Variants in TAF1A observed in about 807,000 individuals in gnomAD.
TAF1A encodes TATA-box binding protein associated factor, RNA polymerase I subunit A, also known as TATA box-binding protein-associated factor RNA polymerase I subunit A.
Under a neutral mutation model 61.6 loss-of-function variants are expected in TAF1A, and 42 were observed. The observed-to-expected ratio is 0.68, with a 90% CI of 0.53 to 0.88. The LOEUF is 0.88. Ranked by LOEUF, TAF1A falls within the 40% of genes least tolerant of loss-of-function variation. TAF1A has a pLI of 0.00. For synonymous variants in TAF1A, 179 were observed against 177.7 expected (o/e 1.01, Z -0.06); for missense variants, 424 against 518.7 (o/e 0.82, Z 1.77).
chr1:222,584,189 A>G lies in TAF1A; in HGVS notation c.230T>C (p.Met77Thr), dbSNP rs1478628559. The change falls in exon 3 of 11, where the codon ATG (methionine) becomes ACG (threonine). Residue 77 changes from methionine (M) to threonine (T), a missense_variant. Transcript: ENST00000352967. Reference sequence around the variant, plus strand: ...TTCCAAGGTCTGAAAATAACTGTACATGTATTCTGCAGCTTGCTGCCATTG... The same window carrying G: ...TTCCAAGGTCTGAAAATAACTGTACGTGTATTCTGCAGCTTGCTGCCATTG... ...KHQWQQAAEYMYSYFQTLEDS... is the reference protein window; with the variant it reads ...KHQWQQAAEYTYSYFQTLEDS... 1.9e-6 allele frequency: 3 copies of G among 1,613,278 alleles called. No individual in the cohort carries two copies. Among genetic ancestry groups the G allele is most frequent in the Non-Finnish European group, 2.5e-6 (3 of 1,179,854 alleles).
chr1:222,589,261 GC>G (rs1661154123), intron 1 of TAF1A, among the ~76,000 whole-genome samples: 1 of 152,060 alleles, frequency 6.6e-6, no homozygotes, highest in South Asian at 2.1e-4. Context: ...GAGTATTAGT[GC>G]CCCTGATACT....
At chr1:222,555,644 G>A (rs1448465482), downstream of TAF1A, among the ~76,000 whole-genome samples, 1 of 152,132 alleles carries the variant, frequency 6.6e-6, no homozygotes, top group Non-Finnish European at 1.5e-5. Flanking sequence ...GTCCAGCATG[G>A]TGATGACAGT....
chr1:222,561,384 G>A lies in TAF1A; in HGVS notation c.1220C>T (p.Ala407Val). Residue 407 changes from alanine (A) to valine (V), a missense_variant, in exon 10 of 11, where the codon GCT becomes GTT. Ala to Val is a moderately conservative substitution (Grantham distance 64). Transcript: ENST00000352967. ...TALACEKAFVAGLLLGKGCRY... is the reference protein window; with the variant it reads ...TALACEKAFVVGLLLGKGCRY... Reference sequence around the variant, plus strand: ...TGTACCTTTTCCTAACAGTAAACCAGCCACAAAAGCTTTCTCACAGGCCAA... The same window carrying A: ...TGTACCTTTTCCTAACAGTAAACCAACCACAAAAGCTTTCTCACAGGCCAA... 1.2e-6 allele frequency: 2 copies of A among 1,605,716 alleles called. No homozygotes were observed. The highest frequency in any genetic ancestry group is 2.2e-5 in the South Asian group (2 of 88,898).
chr1:222,572,598 G>A lies in TAF1A; in HGVS notation c.605-1933C>T, dbSNP rs538705069. Among the ~76,000 whole-genome samples, 170 of 152,268 alleles carry A rather than the reference G, an allele frequency of 1.1e-3. 1 individual carries two copies. The highest frequency in any genetic ancestry group is 3.8e-3 in the African/African-American group (159 of 41,538). The stretch of plus-strand genomic sequence containing the variant: ...GTTTCGAACTCCTGAGGGCTCATGC[G>A]ATCTACCTGTCTTGGCCTCCCAAAG... On this transcript the variant is annotated intron_variant, in intron 5 of 10. Coordinates refer to ENST00000352967, the MANE Select transcript of TAF1A (RefSeq NM_005681.4).
intron 1 of TAF1A, among the ~76,000 whole-genome samples, chr1:222,589,079 A>G (rs991357395): frequency 1.8e-4 from 27 of 152,226 alleles, no homozygotes; most frequent in African/African-American, 4.1e-4. Flanking sequence ...TGAGGACGAT[A>G]GTCTAGGAAA....
chr1:222,562,290 A>G (rs1180378952), intron 9 of TAF1A, among the ~76,000 whole-genome samples: 1 of 152,236 alleles, frequency 6.6e-6, no homozygotes, highest in African/African-American at 2.4e-5. Flanking sequence ...GTTGCACATT[A>G]GATCTCTATA....
chr1:222,559,495 T>C (rs1286817960), intron 10 of TAF1A, among the ~76,000 whole-genome samples: 3 of 152,180 alleles, frequency 2.0e-5, no homozygotes, highest in Admixed American at 2.0e-4. Flanking sequence ...GTAAACTGGA[T>C]ATTGAGGTTT....
At chr1:222,559,317 T>C (rs1014615046) in intron 10 of TAF1A, among the ~76,000 whole-genome samples, 2 of 152,238 alleles carry the variant, frequency 1.3e-5, no homozygotes, top group Admixed American at 1.3e-4. Context: ...TATCTATTCA[T>C]TCTAGCCATG....
downstream of TAF1A, among the ~76,000 whole-genome samples, chr1:222,554,543 C>T (rs1407821079): frequency 1.5e-5 from 2 of 137,128 alleles, no homozygotes; most frequent in Non-Finnish European, 3.4e-5. Flanking sequence ...AGAAAAAGCC[C>T]TTGTGCTGTA....
chr1:222,573,298 A>AAT (rs1244280848), intron 5 of TAF1A, among the ~76,000 whole-genome samples: 1 of 152,218 alleles, frequency 6.6e-6, no homozygotes, highest in African/African-American at 2.4e-5. Flanking sequence ...AATAAAATAA[A>AAT]AAGATAGTGA....
At chr1:222,559,362 A>T (rs1659822109) in intron 10 of TAF1A, among the ~76,000 whole-genome samples, 1 of 152,260 alleles carries the variant, frequency 6.6e-6, no homozygotes, top group Non-Finnish European at 1.5e-5. Flanking sequence ...TGTAGCTCTC[A>T]CAGAGGTGCC....
chr1:222,579,805 G>A lies in TAF1A; in HGVS notation c.359C>T (p.Thr120Ile), dbSNP rs773612074. The part of the protein sequence containing the change: ...HPKSNMESFN[T>I]FANRMKNIGV... ...AATATTTTTCATCCGGTTAGCAAAA[G>A]TATTGAAACTCTCCATGTTGCTTTT... is the stretch of plus-strand genomic sequence containing the variant. The change falls in exon 4 of 11, where the codon ACT becomes ATT. Residue 120 changes from threonine (T) to isoleucine (I), a missense_variant. Coordinates refer to ENST00000352967, the MANE Select transcript of TAF1A (RefSeq NM_005681.4). 12 of 1,611,378 alleles carry A rather than the reference G, an allele frequency of 7.4e-6. No homozygotes were observed. In the South Asian group the frequency reaches 7.8e-5, roughly 10 times the overall value.
Position 222,572,376 on chromosome 1 carries a change from C to T in TAF1A, c.605-1711G>A, listed in dbSNP as rs142065612. ...AATTTTCTTTTGTGTGTGTGTAAGA[C>T]AGGGCCTTACTTTGTCTCCCAGGCT... On this transcript the variant is annotated intron_variant, in intron 5 of 10. Coordinates refer to ENST00000352967, the MANE Select transcript of TAF1A (RefSeq NM_005681.4). 2.7e-3 allele frequency among the ~76,000 whole-genome samples: 408 copies of T among 152,194 alleles called. 2 individuals are homozygous for T. Among genetic ancestry groups the T allele is most frequent in the Non-Finnish European group, 4.7e-3 (323 of 68,010 alleles).
At chr1:222,581,106 T>TA (rs1660773200) in intron 3 of TAF1A, among the ~76,000 whole-genome samples, 1 of 151,798 alleles carries the variant, frequency 6.6e-6, no homozygotes, top group Admixed American at 6.6e-5. Context: ...TCTCAAAAAA[T>TA]AAAAAAATAC....
chr1:222,557,125 T>C (rs1659738407), downstream of TAF1A, among the ~76,000 whole-genome samples: 1 of 152,230 alleles, frequency 6.6e-6, no homozygotes, highest in Admixed American at 6.5e-5. Flanking sequence ...TTAGTAGGAC[T>C]ATAAGCCAAA....
Position 222,558,784 on chromosome 1 carries a change from A to C in TAF1A, c.1241-12T>G. On this transcript the variant is annotated splice_polypyrimidine_tract_variant and intron_variant, in intron 10 of 10. Coordinates refer to ENST00000352967, the MANE Select transcript of TAF1A (RefSeq NM_005681.4). Reference sequence around the variant, plus strand: ...GAAATATCTACAACCTAAAAAGTTAAGCAAAATAAAAAGTTTTAATACTCA... The same window carrying C: ...GAAATATCTACAACCTAAAAAGTTACGCAAAATAAAAAGTTTTAATACTCA... 1 of 1,421,416 alleles carries C rather than the reference A, an allele frequency of 7.0e-7. No homozygotes were observed. The highest frequency in any genetic ancestry group is 9.5e-7 in the Non-Finnish European group (1 of 1,050,838). 88.1% of individuals were successfully genotyped at this position (1,421,416 alleles called of 1,614,324 possible). A position where few individuals can be genotyped will look rare whatever the true frequency, so the allele number is the denominator to read the frequency against.
chr1:222,571,716 T>C (rs140961828), intron 5 of TAF1A, among the ~76,000 whole-genome samples: 12 of 151,926 alleles, frequency 7.9e-5, no homozygotes, highest in Admixed American at 5.9e-4. Context: ...TGAAAAAAAA[T>C]TTTTTAAGAC....
At chr1:222,567,927 C>T (rs890942438) in intron 7 of TAF1A, among the ~76,000 whole-genome samples, 3 of 152,072 alleles carry the variant, frequency 2.0e-5, no homozygotes, top group African/African-American at 7.2e-5. Context: ...GAAGTATTGG[C>T]AAGGATGTGG....
At chr1:222,565,371 T>C (rs1660074227) in intron 7 of TAF1A, among the ~76,000 whole-genome samples, 2 of 152,270 alleles carry the variant, frequency 1.3e-5, no homozygotes, top group African/African-American at 4.8e-5. Context: ...TCCAATCTGC[T>C]ATTAAACCCA....
Sources: allele counts gnomAD v4.1 joint callset (sites outside exome capture counted in the v4.1 genomes callset), GRCh38; gene constraint gnomAD v4.1.1; transcripts MANE v1.5; gene names NCBI Gene and HGNC (gene_info 2026-07-23, HGNC 2026-07-21).